C10orf90: variants seen among roughly 807,000 people sequenced by gnomAD.
C10orf90 encodes the protein chromosome 10 open reading frame 90, also known as (E2-independent) E3 ubiquitin-conjugating enzyme FATS.
A neutral mutation model predicts 62.5 loss-of-function variants in C10orf90; 56 were observed. The observed-to-expected ratio is 0.90, with a 90% CI of 0.72 to 1.12. The LOEUF (loss-of-function observed/expected upper bound fraction) is 1.12, where lower values mean the gene tolerates loss of function less well. C10orf90 is among the 50% of genes most tolerant of loss of function. The pLI is 0.00. For synonymous variants in C10orf90, 386 were observed against 340.4 expected, an observed-to-expected ratio of 1.13 and a Z score of -1.47; for missense variants, 970 against 880.4, an observed-to-expected ratio of 1.10 and a Z score of -1.29.
intron 1 of C10orf90, among the ~76,000 whole-genome samples, chr10:126,654,699 G>T (rs1483360916): frequency 1.3e-5 from 2 of 152,192 alleles, no homozygotes; most frequent in African/African-American, 4.8e-5. Flanking sequence ...GCAGCTTTCA[G>T]CCTGACTGGG....
intron 2 of C10orf90, among the ~76,000 whole-genome samples, chr10:126,552,371 TTTGTCTTAGTTAAATCCAG>T (rs1864655424): frequency 6.6e-6 from 1 of 152,186 alleles, no homozygotes; most frequent in Non-Finnish European, 1.5e-5. Flanking sequence ...CAAATTTGCA[TTTGTCTTAGTTAAATCCAG>T]TCGCAGAACA....
At chr10:126,511,983 T>C (rs939800630) in intron 3 of C10orf90, 1 of 151,806 alleles carries the variant, frequency 6.6e-6, no homozygotes, top group East Asian at 1.9e-4. Flanking sequence ...GGAAAAGTGA[T>C]CAATCTCGTA....
At chr10:126,528,495 C>T (rs1386985454) in intron 2 of C10orf90, among the ~76,000 whole-genome samples, 1 of 152,128 alleles carries the variant, frequency 6.6e-6, no homozygotes, top group Admixed American at 6.5e-5. Flanking sequence ...CTAAAGAATG[C>T]TTCTGAAGCG....
chr10:126,589,860 C>T (rs140409779), intron 2 of C10orf90, among the ~76,000 whole-genome samples: 6 of 152,212 alleles, frequency 3.9e-5, no homozygotes, highest in Non-Finnish European at 8.8e-5. Context: ...GCAATATTAA[C>T]CTTAAGTGTA....
intron 2 of C10orf90, among the ~76,000 whole-genome samples, chr10:126,524,330 G>A (rs909196884): frequency 5.9e-5 from 9 of 152,144 alleles, no homozygotes; most frequent in Non-Finnish European, 1.0e-4. Flanking sequence ...GTTAGACACA[G>A]GTAGTCTCTG....
intron 2 of C10orf90, among the ~76,000 whole-genome samples, chr10:126,525,846 T>C (rs1863925538): frequency 6.6e-6 from 1 of 152,142 alleles, no homozygotes; most frequent in Non-Finnish European, 1.5e-5. Flanking sequence ...TCTTTGGCTT[T>C]TTGTTTTTGC....
chr10:126,486,913 G>A (rs181482934), intron 4 of C10orf90, among the ~76,000 whole-genome samples: 2 of 151,722 alleles, frequency 1.3e-5, no homozygotes, highest in African/African-American at 4.8e-5. Context: ...GAGGCCAAGG[G>A]GGGTGGATCA....
intron 3 of C10orf90, among the ~76,000 whole-genome samples, chr10:126,509,743 C>T (rs1329491423): frequency 6.6e-6 from 1 of 152,152 alleles, no homozygotes; most frequent in Admixed American, 6.5e-5. Flanking sequence ...GGACTCTTTG[C>T]TCTTTAAAAC....
intron 2 of C10orf90, among the ~76,000 whole-genome samples, chr10:126,597,356 A>ATG (rs1167105425): frequency 6.6e-6 from 1 of 152,240 alleles, no homozygotes; most frequent in Non-Finnish European, 1.5e-5. Flanking sequence ...CAGAGGGGAC[A>ATG]TGTGTTCATC....
intron 2 of C10orf90, among the ~76,000 whole-genome samples, chr10:126,641,440 C>T (rs1323106747): frequency 2.0e-5 from 3 of 152,062 alleles, no homozygotes; most frequent in East Asian, 1.9e-4. Flanking sequence ...CAGGTTAAAT[C>T]GATCAGAAGG....
intron 7 of C10orf90, among the ~76,000 whole-genome samples, chr10:126,445,030 A>T (rs1182868288): frequency 6.6e-6 from 1 of 152,232 alleles, no homozygotes; most frequent in Non-Finnish European, 1.5e-5. Context: ...AGATGGATTA[A>T]GGACTTAAAT....
intron 2 of C10orf90, among the ~76,000 whole-genome samples, chr10:126,527,949 T>G: frequency 6.6e-6 from 1 of 152,228 alleles, no homozygotes; most frequent in African/African-American, 2.4e-5. Context: ...TTTAAAAAGT[T>G]AATGATGCTA....
chr10:126,621,920 C>T (rs1354181549), intron 2 of C10orf90, among the ~76,000 whole-genome samples: 1 of 152,116 alleles, frequency 6.6e-6, no homozygotes, highest in Non-Finnish European at 1.5e-5. Flanking sequence ...GGTCTTTGAA[C>T]ATGCTGTTCC....
chr10:126,557,283 C>A (rs374275817), intron 2 of C10orf90, among the ~76,000 whole-genome samples: 5 of 151,918 alleles, frequency 3.3e-5, no homozygotes, highest in African/African-American at 1.2e-4. Flanking sequence ...AGATTGAGAC[C>A]ATCCTGGCTA....
intron 2 of C10orf90, among the ~76,000 whole-genome samples, chr10:126,561,026 A>G (rs1159804599): frequency 6.6e-6 from 1 of 152,190 alleles, no homozygotes; most frequent in Non-Finnish European, 1.5e-5. Context: ...TGTTTGGATG[A>G]AACCAAACTC....
intron 8 of C10orf90, among the ~76,000 whole-genome samples, chr10:126,428,131 A>G (rs548028774): frequency 3.3e-4 from 50 of 152,310 alleles, no homozygotes; most frequent in Non-Finnish European, 5.6e-4. Flanking sequence ...AGTGAAAAGC[A>G]AGCTACCGAG....
chr10:126,538,624 A>G (rs1864301029), intron 2 of C10orf90, among the ~76,000 whole-genome samples: 1 of 152,224 alleles, frequency 6.6e-6, no homozygotes, highest in African/African-American at 2.4e-5. Context: ...CCCTTCTCCT[A>G]TAACTCCTCC....
intron 1 of C10orf90, among the ~76,000 whole-genome samples, chr10:126,660,139 C>A (rs1049566440): frequency 6.6e-6 from 1 of 152,202 alleles, no homozygotes; most frequent in Non-Finnish European, 1.5e-5. Context: ...TTTTAAGATT[C>A]CCCTTGGTGT....
At chr10:126,659,329 T>G (rs1400321654) in intron 1 of C10orf90, among the ~76,000 whole-genome samples, 4 of 152,198 alleles carry the variant, frequency 2.6e-5, no homozygotes, top group African/African-American at 9.7e-5. Flanking sequence ...ATCTGTGAAC[T>G]TTCTGTAAAT....
Sources: allele counts gnomAD v4.1 joint callset (sites outside exome capture counted in the v4.1 genomes callset), GRCh38; gene constraint gnomAD v4.1.1; transcripts MANE v1.5; gene names NCBI Gene and HGNC (gene_info 2026-07-23, HGNC 2026-07-21).